The following GRIK4 variants were observed in gnomAD, a reference collection of about 807,000 sequenced individuals.
GRIK4 encodes glutamate ionotropic receptor kainate type subunit 4, also known as glutamate receptor ionotropic, kainate 4.
Under a neutral mutation model 104.9 loss-of-function variants are expected in GRIK4, and 40 were observed. The ratio of observed to expected loss-of-function variants is 0.38; its 90% CI spans 0.30 to 0.50. The LOEUF (loss-of-function observed/expected upper bound fraction) is 0.50. GRIK4 is among the 20% of genes least tolerant of loss of function. GRIK4 has a pLI of 0.93. For missense variants in GRIK4, 1,047 were observed against 1,308.1 expected, an observed-to-expected ratio of 0.80 and a Z score of 3.08; for synonymous variants, 485 against 524.9, an observed-to-expected ratio of 0.92 and a Z score of 1.04.
At chr11:120,936,411 C>G (rs559273355) in intron 13 of GRIK4, 81 of 305,696 alleles carry the variant, frequency 2.6e-4, no homozygotes, top group Non-Finnish European at 4.5e-4. Context: ...TTCTGTCTCC[C>G]CTTTAGGAGA....
intron 3 of GRIK4, among the ~76,000 whole-genome samples, chr11:120,714,895 GA>G (rs1477560834): frequency 2.0e-5 from 3 of 152,300 alleles, no homozygotes; most frequent in Non-Finnish European, 2.9e-5. Flanking sequence ...TAGTATAAGG[GA>G]AAGCTACTGG....
chr11:120,777,949 G>A (rs7114623), intron 3 of GRIK4, among the ~76,000 whole-genome samples: 6,182 of 135,286 alleles, frequency 0.046, 362 homozygotes, highest in African/African-American at 0.14. Context: ...AAAAAAAAAA[G>A]AAAAAAAAAA....
At chr11:120,784,916 G>A (rs1233723693) in intron 3 of GRIK4, among the ~76,000 whole-genome samples, 2 of 152,134 alleles carry the variant, frequency 1.3e-5, no homozygotes, top group Non-Finnish European at 2.9e-5. Flanking sequence ...CCTGGCGTGA[G>A]GTCGGCGCTC....
Position 120,956,334 on chromosome 11 carries a change from T to C in GRIK4, c.1701-446T>C, listed in dbSNP as rs1188382068. ...CTCCCACCTCATCCTCTTGAGTAGC[T>C]AGGATTACAGGCACACACCACCATA... is the stretch of plus-strand genomic sequence containing the variant. On this transcript the variant is annotated intron_variant, in intron 15 of 20. Coordinates refer to ENST00000527524, the MANE Select transcript of GRIK4 (RefSeq NM_014619.5). The surrounding 1 kb of genome is among the most constrained non-coding windows in gnomAD (Gnocchi z 4.6). Among the ~76,000 whole-genome samples, 1 of 152,080 alleles carries C rather than the reference T, an allele frequency of 6.6e-6. No individual in the cohort carries two copies. The highest frequency in any genetic ancestry group is 6.5e-5 in the Admixed American group (1 of 15,276).
chr11:120,528,024 C>G (rs190598701), intron 1 of GRIK4, among the ~76,000 whole-genome samples: 30 of 152,310 alleles, frequency 2.0e-4, no homozygotes, highest in Non-Finnish European at 4.3e-4. Context: ...TGCCCAGTGA[C>G]GGGATTTGGG....
intron 6 of GRIK4, among the ~76,000 whole-genome samples, chr11:120,828,702 G>C (rs1001106702): frequency 6.6e-6 from 1 of 152,134 alleles, no homozygotes; most frequent in African/African-American, 2.4e-5. Context: ...AATTCTGGGC[G>C]GGATGCGGAC....
intron 1 of GRIK4, among the ~76,000 whole-genome samples, chr11:120,554,959 G>T (rs75352872): frequency 0.017 from 2,522 of 152,290 alleles, 40 homozygotes; most frequent in Non-Finnish European, 0.023. Context: ...TGGTGAGGAC[G>T]GCACTGGAGG....
At chr11:120,691,205 C>T (rs867868733) in intron 3 of GRIK4, among the ~76,000 whole-genome samples, 24 of 152,172 alleles carry the variant, frequency 1.6e-4, no homozygotes, top group Non-Finnish European at 2.8e-4. Flanking sequence ...CCCTAAACTT[C>T]GCCTTTTCTG....
At chr11:120,660,516 C>T (rs1949796344) in intron 3 of GRIK4, 116 bp downstream of exon 3, 7 of 732,158 alleles carry the variant, frequency 9.6e-6, no homozygotes, top group Middle Eastern at 3.6e-4. Context: ...ACTGTGCCCT[C>T]CCTGAGTGTG....
At position 120,811,386 on chromosome 11, in the gene GRIK4, C is replaced by T. The variant is rs1051372568; in HGVS notation, c.248-3992C>T. 5.3e-5 allele frequency among the ~76,000 whole-genome samples: 8 copies of T among 152,100 alleles called. No individual in the cohort carries two copies. The East Asian group carries it at 5.8e-4, about 11-fold the overall frequency. Reference sequence around the variant, plus strand: ...TTGCCATTTGCTGGGGATGGCTGTGCGGTGCAGTGGTTAAGGGGCCGGTCT... The same window carrying T: ...TTGCCATTTGCTGGGGATGGCTGTGTGGTGCAGTGGTTAAGGGGCCGGTCT... On this transcript the variant is annotated intron_variant, in intron 4 of 20. Coordinates refer to ENST00000527524, the MANE Select transcript of GRIK4 (RefSeq NM_014619.5).
intron 5 of GRIK4, among the ~76,000 whole-genome samples, chr11:120,817,759 G>A (rs1169443108): frequency 1.3e-5 from 2 of 152,226 alleles, no homozygotes; most frequent in Admixed American, 6.5e-5. Flanking sequence ...GCAGAGCCCA[G>A]TGGGCTTCAA....
At position 120,862,029 on chromosome 11, in the gene GRIK4, A is replaced by G; in HGVS notation, c.815A>G (p.Asn272Ser). Residue 272 changes from asparagine to serine, a missense_variant, in exon 9 of 21, where the codon AAC becomes AGC. Physicochemically the swap from Asn to Ser is conservative, Grantham distance 46. Transcript: ENST00000527524. ...AACATCCTGGGATTTTCCATTTTCA[A>G]CCAATCCCATGCTTTCTTCCAAGAG... is the stretch of plus-strand genomic sequence containing the variant. ...RVNILGFSIF[N>S]QSHAFFQEFA... is the part of the protein sequence containing the mutation. 1.9e-6 allele frequency: 3 copies of G among 1,613,688 alleles called. No homozygotes were observed. The highest frequency in any genetic ancestry group is 2.5e-6 in the Non-Finnish European group (3 of 1,179,546).
intron 13 of GRIK4, among the ~76,000 whole-genome samples, chr11:120,931,341 A>G (rs1444584974): frequency 6.6e-6 from 1 of 152,142 alleles, no homozygotes; most frequent in East Asian, 1.9e-4. Context: ...CCCCTTGGTT[A>G]TTGTACCATG....
chr11:120,912,871 G>A (rs752154078), intron 13 of GRIK4, among the ~76,000 whole-genome samples: 2 of 152,194 alleles, frequency 1.3e-5, no homozygotes, highest in Non-Finnish European at 2.9e-5. Context: ...TAGGCGGGAT[G>A]GAGGCTGGAG....
intron 6 of GRIK4, among the ~76,000 whole-genome samples, chr11:120,826,722 C>T (rs1007479725): frequency 2.0e-5 from 3 of 152,230 alleles, no homozygotes; most frequent in Non-Finnish European, 4.4e-5. Context: ...TCAGCTGGCT[C>T]CTCTCTCCCT....
chr11:120,859,539 G>T (rs1954205242), intron 8 of GRIK4, among the ~76,000 whole-genome samples: 1 of 152,154 alleles, frequency 6.6e-6, no homozygotes, highest in Non-Finnish European at 1.5e-5. Context: ...GAGTTGGGCT[G>T]ATGTGTCTGC....
chr11:120,513,085 T>C lies in GRIK4; in HGVS notation c.-159+1198T>C, dbSNP rs1364975430. Among the ~76,000 whole-genome samples, 1 of 152,120 alleles carries C rather than the reference T, an allele frequency of 6.6e-6. No individual in the cohort carries two copies. Among genetic ancestry groups the C allele is most frequent in the Non-Finnish European group, 1.5e-5 (1 of 68,018 alleles). ...CTCCCTCCAGTGGCTCTCCTGGGCA[T>C]GTCTCCCAAGGGTCTGGGTTGTCTG... On this transcript the variant is annotated intron_variant, in intron 1 of 20. Transcript: ENST00000527524. This position sits in a 1 kb window ranked among gnomAD's most constrained non-coding sequence, Gnocchi z 4.5.
intron 1 of GRIK4, among the ~76,000 whole-genome samples, chr11:120,551,716 G>T (rs1424524035): frequency 6.6e-6 from 1 of 151,554 alleles, no homozygotes; most frequent in African/African-American, 2.4e-5. Flanking sequence ...GGGAGGCAGA[G>T]GTTGCAGTGA....
chr11:120,642,545 G>A (rs1003242714), intron 1 of GRIK4, among the ~76,000 whole-genome samples: 5 of 149,818 alleles, frequency 3.3e-5, no homozygotes, highest in African/African-American at 5.0e-5. Flanking sequence ...GCTCCCTTCC[G>A]GATGTGAGGT....
Sources: allele counts gnomAD v4.1 joint callset (sites outside exome capture counted in the v4.1 genomes callset), GRCh38; gene constraint gnomAD v4.1.1; non-coding constraint Gnocchi (gnomAD v3.1); transcripts MANE v1.5; gene names NCBI Gene and HGNC (gene_info 2026-07-23, HGNC 2026-07-21).